Variants in XRCC3 observed in about 807,000 individuals in gnomAD.
The protein encoded by XRCC3 is DNA repair protein XRCC3.
XRCC3 carries 34 observed loss-of-function variants against 29.2 expected under a neutral mutation model. The ratio of observed to expected loss-of-function variants is 1.16; its 90% confidence interval spans 0.88 to 1.55. The LOEUF is 1.55. XRCC3 is among the 40% of genes most tolerant of loss of function. The probability of loss-of-function intolerance (pLI) is 0.00; values close to 1 mark genes in which losing one functional copy is unlikely to be tolerated. For missense variants in XRCC3, 463 were observed against 467.6 expected, an observed-to-expected ratio of 0.99 and a Z score of 0.09; for synonymous variants, 223 against 211.3, an observed-to-expected ratio of 1.06 and a Z score of -0.48.
In XRCC3 at chr14:103,698,802, T is replaced by G. The variant is rs920636272; in HGVS notation, c.1037A>C (p.His346Pro). The change falls in exon 10 of 10, where the codon CAC (histidine) becomes CCC (proline). Residue 346 changes from histidine (H) to proline (P), a missense_variant. Physicochemically the swap from His to Pro is moderately conservative, Grantham distance 77 (BLOSUM62 -2). Coordinates refer to ENST00000555055, the MANE Select transcript of XRCC3 (RefSeq NM_005432.4). The stretch of plus-strand genomic sequence containing the variant: ...TGTTGTGCAGCCGCCACCGTGTCAG[T>G]GGGACTGGGTCCCAGGTGTCCCTCG... ...GVRGTPGTQS[H>P] 1.9e-5 allele frequency: 31 copies of G among 1,595,512 alleles called. 1 individual carries two copies. The East Asian group carries it at 7.0e-4, about 36-fold the overall frequency.
At chr14:103,702,041 C>T (rs12432907) in intron 7 of XRCC3, 37,194 of 152,138 alleles carry the variant, frequency 0.24, 4,837 homozygotes, top group East Asian at 0.49. Context: ...TTTTCTTCTG[C>T]GTCTTTTCTA....
At chr14:103,710,729 G>A (rs1432033297) in intron 4 of XRCC3, 14 of 347,074 alleles carry the variant, frequency 4.0e-5, no homozygotes, top group Non-Finnish European at 5.9e-5. Context: ...GTGACAGAGC[G>A]AGACCCCGTC....
chr14:103,702,998 C>T (rs557015729), intron 7 of XRCC3, 175 bp downstream of exon 7: 2 of 979,478 alleles, frequency 2.0e-6, no homozygotes, highest in Non-Finnish European at 3.0e-6. Flanking sequence ...CACTCTCCAT[C>T]CTCTGACCCC....
At position 103,709,769 on chromosome 14, in the gene XRCC3, G is replaced by A. The variant is rs1457389793; in HGVS notation, c.56-1110C>T. ...GCCGTGAAGTCTGCAGGGACTTCTG[G>A]AAACATTGGTTTTTGGATAAGAGAC... On this transcript the variant is annotated intron_variant, in intron 4 of 9. Coordinates refer to ENST00000555055, the MANE Select transcript of XRCC3 (RefSeq NM_005432.4). The A allele has an allele frequency of 4.6e-5, 7 of 152,260 alleles. No homozygotes were observed. The East Asian group carries it at 1.3e-3, about 29-fold the overall frequency. 9.4% of individuals were successfully genotyped at this position (152,260 alleles called of 1,614,324 possible). A position where few individuals can be genotyped will look rare whatever the true frequency, so the allele number is the denominator to read the frequency against.
At chr14:103,703,409 C>T in intron 6 of XRCC3, 82 bp from the exon 7 acceptor site, 2 of 1,434,176 alleles carry the variant, frequency 1.4e-6, no homozygotes, top group Non-Finnish European at 1.9e-6. Context: ...CAGATGTCTC[C>T]CGCCATTTCT....
intron 7 of XRCC3, chr14:103,701,329 G>C (rs1010053852): frequency 2.0e-6 from 2 of 999,798 alleles, no homozygotes; most frequent in Non-Finnish European, 1.5e-6. Context: ...TCCTGCGTCT[G>C]TGTGCATAGG....
At chr14:103,704,089 C>T (rs995862093) in intron 6 of XRCC3, 2 of 152,690 alleles carry the variant, frequency 1.3e-5, no homozygotes, top group African/African-American at 4.8e-5. Context: ...TGAAGTGCGG[C>T]CCATCCTTAC....
intron 5 of XRCC3, chr14:103,707,512 C>A: frequency 2.0e-6 from 1 of 507,272 alleles, no homozygotes. Flanking sequence ...TTCCAGAGAG[C>A]CCCGAGGCGC....
At position 103,711,213 on chromosome 14, in the gene XRCC3, A is replaced by G. The variant is rs924140814; in HGVS notation, c.-126T>C. 129 of 998,808 alleles carry G rather than the reference A, an allele frequency of 1.3e-4. No homozygotes were observed. The highest frequency in any genetic ancestry group is 2.3e-4 in the Admixed American group (12 of 52,340). The allele number at this position is 998,808 out of a possible 1,614,324, so 61.9% of individuals were successfully genotyped here. On this transcript the variant is annotated 5_prime_UTR_variant, in exon 4 of 10. Transcript: ENST00000555055. ...AGGCCCGAACCAGGGAAGTGACAGC[A>G]GCCGAGGTGTCCGTGTCATCGGGGC...
chr14:103,707,575 GCC>G (rs1366922660), intron 5 of XRCC3: 2 of 405,378 alleles, frequency 4.9e-6, no homozygotes, highest in African/African-American at 4.1e-5. Flanking sequence ...CAGCTGGGAT[GCC>G]CTGGGGTGCT....
Position 103,708,591 on chromosome 14 carries a change from A to G in XRCC3, c.124T>C (p.Ser42Pro). Residue 42 changes from serine (S) to proline (P), a missense_variant, in exon 5 of 10, where the codon TCC becomes CCC. By Grantham distance (74) the Ser-to-Pro change is moderately conservative (BLOSUM62 -1). Transcript: ENST00000555055. ...AGCAAGTGCCAGACCTCGGGGCTGGAGAGGTTGGTCAGTCTCTTCAAGTCT... is the reference window on the plus strand; with the variant it reads ...AGCAAGTGCCAGACCTCGGGGCTGGGGAGGTTGGTCAGTCTCTTCAAGTCT... Reference protein sequence around the residue: ...GPDLKRLTNLSSPEVWHLLRT... With the variant: ...GPDLKRLTNLPSPEVWHLLRT... 1 of 1,614,222 alleles carries G rather than the reference A, an allele frequency of 6.2e-7. No homozygotes were observed. Among genetic ancestry groups the G allele is most frequent in the South Asian group, 1.1e-5 (1 of 91,088 alleles).
chr14:103,700,331 G>A, intron 7 of XRCC3: 1 of 301,938 alleles, frequency 3.3e-6, no homozygotes, highest in Non-Finnish European at 6.2e-6. Context: ...GTGAAGGCAG[G>A]TGTCCTCGGC....
At chr14:103,707,872 C>T (rs956193286) in intron 5 of XRCC3, 3 of 188,404 alleles carry the variant, frequency 1.6e-5, no homozygotes, top group South Asian at 1.1e-4. Context: ...TTGGGCACCC[C>T]GTCCAGGTGG....
chr14:103,710,804 A>G, intron 4 of XRCC3: 4 of 566,820 alleles, frequency 7.1e-6, no homozygotes, highest in Non-Finnish European at 1.3e-5. Context: ...ATATGCATGT[A>G]TTACTTTGAT....
intron 6 of XRCC3, chr14:103,706,172 C>A (rs1447899375): frequency 1.6e-5 from 6 of 369,926 alleles, no homozygotes; most frequent in Non-Finnish European, 2.7e-5. Flanking sequence ...CTCAGGCAGG[C>A]ACAGCACACC....
intron 6 of XRCC3, chr14:103,703,932 G>A (rs2083334420): frequency 6.2e-6 from 1 of 161,496 alleles, no homozygotes; most frequent in Non-Finnish European, 1.4e-5. Flanking sequence ...AAAACAATCG[G>A]TACTTCCTTA....
Position 103,700,622 on chromosome 14 carries a change from C to T in XRCC3, c.562-1046G>A, listed in dbSNP as rs761582100. On this transcript the variant is annotated intron_variant, in intron 7 of 9. Transcript: ENST00000555055. ...AGACGCCTGAGGGCCGCCTGCACGCCCTGAGTGAAACTCGTCTGTGCTTCA... is the reference window on the plus strand; with the variant it reads ...AGACGCCTGAGGGCCGCCTGCACGCTCTGAGTGAAACTCGTCTGTGCTTCA... 5 of 1,585,518 alleles carry T rather than the reference C, an allele frequency of 3.2e-6. No homozygotes were observed. In the South Asian group the frequency reaches 4.5e-5, roughly 14 times the overall value.
chr14:103,708,273 G>C, intron 5 of XRCC3: 1 of 565,380 alleles, frequency 1.8e-6, no homozygotes. Context: ...CCCCTCCTCT[G>C]GTCCATGGAG....
At chr14:103,703,668 C>CACAGTGAA (rs2083323509) in intron 6 of XRCC3, 1 of 380,796 alleles carries the variant, frequency 2.6e-6, no homozygotes, top group Non-Finnish European at 5.1e-6. Flanking sequence ...ACCTCCGTTC[C>CACAGTGAA]CCACTGCAGG....
Sources: gnomAD v4.1 joint callset for allele counts on GRCh38, gnomAD v4.1.1 for gene constraint, MANE v1.5 for transcripts, NCBI Gene and HGNC (gene_info 2026-07-23, HGNC 2026-07-21) for gene names.